The following KCNQ2 variants were observed in gnomAD, a reference collection of about 807,000 sequenced individuals.
The protein encoded by KCNQ2 is potassium voltage-gated channel subfamily Q member 2.
Under a neutral mutation model 84.8 loss-of-function variants are expected in KCNQ2, and 14 were observed. The observed-to-expected ratio is 0.17, with a 90% CI of 0.11 to 0.26. The LOEUF (loss-of-function observed/expected upper bound fraction) is 0.26, where lower values mean the gene tolerates loss of function less well. Among genes scored for constraint, KCNQ2 ranks in the 10% least tolerant of loss-of-function variants. The pLI, the probability that KCNQ2 is intolerant of heterozygous loss-of-function variation, is 1.00. For missense variants in KCNQ2, 788 were observed against 1,254.0 expected (o/e 0.63, Z 5.61); for synonymous variants, 599 against 554.1 (o/e 1.08, Z -1.14).
intron 1 of KCNQ2, among the ~76,000 whole-genome samples, chr20:63,470,081 G>C (rs531145437): frequency 3.3e-5 from 5 of 152,252 alleles, no homozygotes; most frequent in African/African-American, 9.6e-5. Flanking sequence ...GGTTTGCAGA[G>C]GTTCTGAGAC....
Position 63,414,568 on chromosome 20 carries a change from G to A in KCNQ2, c.1525+335C>T, listed in dbSNP as rs1353855494. 2.0e-5 allele frequency among the ~76,000 whole-genome samples: 3 copies of A among 152,038 alleles called. No individual in the cohort carries two copies. Among genetic ancestry groups the A allele is most frequent in the Non-Finnish European group, 4.4e-5 (3 of 68,020 alleles). On this transcript the variant is annotated intron_variant, in intron 13 of 16. Coordinates refer to ENST00000359125, the MANE Select transcript of KCNQ2 (RefSeq NM_172107.4). This position sits in a 1 kb window ranked among gnomAD's most constrained non-coding sequence, Gnocchi z 6.6. ...CCACGTGGGAGCCGCAGACACGCAC[G>A]GCCCAAGAGCAGCGGGTGCTGGGGC... is the stretch of plus-strand genomic sequence containing the variant.
chr20:63,426,238 C>T (rs888395834), intron 10 of KCNQ2, among the ~76,000 whole-genome samples: 6 of 152,214 alleles, frequency 3.9e-5, no homozygotes, highest in Non-Finnish European at 7.3e-5. Context: ...TGCCACAGGC[C>T]GCAACGCCGT....
rs1020621719 is a variant in KCNQ2 at position 63,406,451 on chromosome 20, T to C, written c.*193A>G. 5.8e-6 allele frequency: 4 copies of C among 688,238 alleles called. No homozygotes were observed. The highest frequency in any genetic ancestry group is 2.0e-5 in the South Asian group (1 of 50,350). 42.6% of individuals were successfully genotyped at this position (688,238 alleles called of 1,614,324 possible). Reference sequence around the variant, plus strand: ...GCCCTGCCCAGCCCTCCAGCCCCTGTTGGAAAATAACTTTTGTAAAAGGTC... The same window carrying C: ...GCCCTGCCCAGCCCTCCAGCCCCTGCTGGAAAATAACTTTTGTAAAAGGTC... On this transcript the variant is annotated 3_prime_UTR_variant, in exon 17 of 17. Transcript: ENST00000359125.
chr20:63,414,890 C>T lies in KCNQ2; in HGVS notation c.1525+13G>A, dbSNP rs759406398. 2.0e-5 allele frequency: 32 copies of T among 1,610,274 alleles called. No individual in the cohort carries two copies. The highest frequency in any genetic ancestry group is 9.4e-5 in the African/African-American group (7 of 74,816). On this transcript the variant is annotated intron_variant, in intron 13 of 16. Transcript: ENST00000359125. The surrounding 1 kb of genome is among the most constrained non-coding windows in gnomAD (Gnocchi z 6.6). ...GGAGAGGATGGACCAGGAGAGGATG[C>T]GGCCACACCCACCTTCTGAGTTCTG...
chr20:63,467,949 G>C (rs1344717026), intron 1 of KCNQ2, among the ~76,000 whole-genome samples: 1 of 152,144 alleles, frequency 6.6e-6, no homozygotes, highest in African/African-American at 2.4e-5. Context: ...CTCTCACTGT[G>C]GAATGGTCAG....
chr20:63,440,705 T>G (rs2081136247), intron 5 of KCNQ2, among the ~76,000 whole-genome samples: 1 of 152,102 alleles, frequency 6.6e-6, no homozygotes, highest in South Asian at 2.1e-4. Context: ...TGCTGTGTGG[T>G]CTGAGGACAG....
At position 63,408,313 on chromosome 20, in the gene KCNQ2, C is replaced by T; in HGVS notation, c.1887+100G>A. On this transcript the variant is annotated intron_variant, in intron 16 of 16. Transcript: ENST00000359125. This position sits in a 1 kb window ranked among gnomAD's most constrained non-coding sequence, Gnocchi z 5.0. ...CCATGTAAACCCTAGACTTGAGGAG[C>T]CCTCCGTGGCACCCAGCCCCTGAAG... is the stretch of plus-strand genomic sequence containing the variant. 1 of 1,453,458 alleles carries T rather than the reference C, an allele frequency of 6.9e-7. No homozygotes were observed. Among genetic ancestry groups the T allele is most frequent in the Non-Finnish European group, 9.4e-7 (1 of 1,060,626 alleles). The allele number at this position is 1,453,458 out of a possible 1,614,324, so 90.0% of individuals were successfully genotyped here.
Position 63,408,731 on chromosome 20 carries a change from G to T in KCNQ2, c.1764-195C>A, listed in dbSNP as rs2080024362. 6.6e-6 allele frequency among the ~76,000 whole-genome samples: 1 copy of T among 152,224 alleles called. No individual in the cohort carries two copies. Among genetic ancestry groups the T allele is most frequent in the African/African-American group, 2.4e-5 (1 of 41,456 alleles). On this transcript the variant is annotated intron_variant, in intron 15 of 16. Coordinates refer to ENST00000359125, the MANE Select transcript of KCNQ2 (RefSeq NM_172107.4). The surrounding 1 kb of genome is among the most constrained non-coding windows in gnomAD (Gnocchi z 5.0). ...TCAGCCCGTCTTCTGGCACCGTGAG[G>T]TTCTGCTCCTGCCCGCTCTGTCCCC...
intron 4 of KCNQ2, 124 bp from the exon 5 acceptor site, chr20:63,442,655 ACCAC>A (rs2081203209): frequency 1.3e-6 from 1 of 744,972 alleles, no homozygotes; most frequent in Non-Finnish European, 2.2e-6. Context: ...AACCATCACC[ACCAC>A]CATCACCACC....
At chr20:63,462,973 G>C (rs558761924) in intron 1 of KCNQ2, among the ~76,000 whole-genome samples, 1 of 152,140 alleles carries the variant, frequency 6.6e-6, no homozygotes, top group South Asian at 2.1e-4. Context: ...GACCCGGTAC[G>C]GAGATGGGGC....
Position 63,455,902 on chromosome 20 carries a change from G to A in KCNQ2, c.297-9065C>T, listed in dbSNP as rs189906935. The stretch of plus-strand genomic sequence containing the variant: ...CTCCGGGAGACCCCTGTGCTCACGG[G>A]CCCCCCACCTCCGGGAGGCCCCTCT... On this transcript the variant is annotated intron_variant, in intron 1 of 16. Coordinates refer to ENST00000359125, the MANE Select transcript of KCNQ2 (RefSeq NM_172107.4). Among the ~76,000 whole-genome samples, 27 of 94,586 alleles carry A rather than the reference G, an allele frequency of 2.9e-4. 1 individual carries two copies. The highest frequency in any genetic ancestry group is 5.7e-3 in the Middle Eastern group (1 of 174). 62.1% of individuals were successfully genotyped at this position (94,586 alleles called of 152,430 possible). A position where few individuals can be genotyped will look rare whatever the true frequency, so the allele number is the denominator to read the frequency against.
At chr20:63,432,723 G>T (rs1369767469) in intron 8 of KCNQ2, among the ~76,000 whole-genome samples, 1 of 146,780 alleles carries the variant, frequency 6.8e-6, no homozygotes. Context: ...CACCCTCAGG[G>T]AAGGCTCCAC....
At chr20:63,434,214 T>C (rs112829970) in intron 7 of KCNQ2, 4 of 410,646 alleles carry the variant, frequency 9.7e-6, no homozygotes, top group African/African-American at 6.1e-5. Flanking sequence ...GACTCTTACC[T>C]GGCCCCTGGC....
At chr20:63,436,177 G>T (rs939136790) in intron 7 of KCNQ2, among the ~76,000 whole-genome samples, 1 of 152,182 alleles carries the variant, frequency 6.6e-6, no homozygotes, top group African/African-American at 2.4e-5. Context: ...ATGCTGCAGA[G>T]AAATCTTTCG....
Position 63,406,871 on chromosome 20 carries a change from G to T in KCNQ2, c.2392C>A (p.Leu798Met). 1 of 1,612,234 alleles carries T rather than the reference G, an allele frequency of 6.2e-7. No homozygotes were observed. The highest frequency in any genetic ancestry group is 8.5e-7 in the Non-Finnish European group (1 of 1,179,764). Residue 798 changes from leucine to methionine, a missense_variant, in exon 17 of 17, where the codon CTG becomes ATG. By Grantham distance (15) the Leu-to-Met change is conservative. Around this residue, in one of 8 missense-constraint regions of KCNQ2, gnomAD observed 378 missense variants for 434.5 expected, o/e 0.87. Transcript: ENST00000359125. ...ISIPSVDHEELERSFSGFSIS... is the reference protein window; with the variant it reads ...ISIPSVDHEEMERSFSGFSIS... ...CTGAAGCCGCTGAAGGAACGCTCCAGCTCCTCGTGGTCCACGGACGGGATG... is the reference window on the plus strand; with the variant it reads ...CTGAAGCCGCTGAAGGAACGCTCCATCTCCTCGTGGTCCACGGACGGGATG...
intron 12 of KCNQ2, 62 bp from the exon 13 acceptor site, chr20:63,415,188 A>G: frequency 6.9e-7 from 1 of 1,444,976 alleles, no homozygotes; most frequent in Non-Finnish European, 9.5e-7. Flanking sequence ...TCTGCAAAGA[A>G]CACAGGCCGT....
At chr20:63,463,055 CTGTGTGTGTG>C (rs10532345) in intron 1 of KCNQ2, among the ~76,000 whole-genome samples, 26 of 147,908 alleles carry the variant, frequency 1.8e-4, no homozygotes, top group Non-Finnish European at 2.4e-4. Context: ...GGTGTCTTTT[CTGTGTGTGTG>C]TGTGTGTGTG....
At position 63,471,933 on chromosome 20, in the gene KCNQ2, C is replaced by A. The variant is rs574334028; in HGVS notation, c.296+235G>T. Among the ~76,000 whole-genome samples the A allele has an allele frequency of 3.9e-5, 6 of 152,294 alleles. No homozygotes were observed. In the South Asian group the frequency reaches 1.2e-3, roughly 32 times the overall value. ...CGGCCGCACGTCTCTGTCCTGCGGG[C>A]CTGGAGCCCCCACCCCGACCTGAGC... On this transcript the variant is annotated intron_variant, in intron 1 of 16. Transcript: ENST00000359125.
intron 1 of KCNQ2, among the ~76,000 whole-genome samples, chr20:63,462,289 C>T (rs577840676): frequency 8.7e-5 from 13 of 148,714 alleles, no homozygotes; most frequent in African/African-American, 3.2e-4. Flanking sequence ...CTGCACCTAC[C>T]CCAGGCAGCA....
Sources: gnomAD v4.1 joint callset for allele counts (sites outside exome capture counted in the v4.1 genomes callset) on GRCh38, gnomAD v4.1.1 for gene constraint, gnomAD v4.1.1 regional missense constraint, Gnocchi (gnomAD v3.1) non-coding constraint, MANE v1.5 for transcripts, NCBI Gene and HGNC (gene_info 2026-07-23, HGNC 2026-07-21) for gene names.